ZNF804B: variants seen among roughly 807,000 people sequenced by gnomAD.
ZNF804B encodes the protein zinc finger protein 804B, also known as zinc finger 804B.
Under a neutral mutation model 101.4 loss-of-function variants are expected in ZNF804B, and 80 were observed. The ratio of observed to expected loss-of-function variants is 0.79; its 90% CI spans 0.66 to 0.95. The LOEUF (loss-of-function observed/expected upper bound fraction) is 0.95, where lower values mean the gene tolerates loss of function less well. ZNF804B is among the 40% of genes least tolerant of loss of function. ZNF804B has a pLI of 0.00. For synonymous variants in ZNF804B, 622 were observed against 558.8 expected (o/e 1.11, Z -1.59); for missense variants, 1,673 against 1,561.9 (o/e 1.07, Z -1.20).
chr7:89,110,731 A>T (rs1240746142), intron 1 of ZNF804B, among the ~76,000 whole-genome samples: 1 of 152,180 alleles, frequency 6.6e-6, no homozygotes, highest in Non-Finnish European at 1.5e-5. Context: ...TCAATAGTTT[A>T]CATCGGGTTT....
intron 1 of ZNF804B, among the ~76,000 whole-genome samples, chr7:89,169,324 G>A (rs539222989): frequency 6.6e-6 from 1 of 152,230 alleles, no homozygotes; most frequent in South Asian, 2.1e-4. Context: ...CTCGCGGCTC[G>A]AATGCCTGAG....
At chr7:89,080,949 C>A (rs937145515) in intron 1 of ZNF804B, among the ~76,000 whole-genome samples, 3 of 151,922 alleles carry the variant, frequency 2.0e-5, no homozygotes, top group Admixed American at 6.6e-5. Context: ...AGATAATTTT[C>A]TCCACACTGA....
At chr7:89,075,699 C>T (rs1046983631) in intron 1 of ZNF804B, among the ~76,000 whole-genome samples, 2 of 152,184 alleles carry the variant, frequency 1.3e-5, no homozygotes, top group Admixed American at 6.5e-5. Context: ...AGGCCACAAT[C>T]CTCCAGACCC....
chr7:89,077,657 A>T (rs967566715), intron 1 of ZNF804B, among the ~76,000 whole-genome samples: 4 of 152,294 alleles, frequency 2.6e-5, no homozygotes, highest in African/African-American at 9.6e-5. Flanking sequence ...CAAAATACTT[A>T]AAAAATTTCT....
intron 1 of ZNF804B, among the ~76,000 whole-genome samples, chr7:89,166,286 C>A (rs564690105): frequency 6.6e-6 from 1 of 152,152 alleles, no homozygotes; most frequent in Non-Finnish European, 1.5e-5. Flanking sequence ...GGGCACCAAA[C>A]CCCTGCACAG....
chr7:88,806,262 T>A (rs1790683515), intron 1 of ZNF804B, among the ~76,000 whole-genome samples: 1 of 152,150 alleles, frequency 6.6e-6, no homozygotes, highest in Admixed American at 6.5e-5. Flanking sequence ...TTAAAATTAT[T>A]TGGATTACCC....
At chr7:89,123,272 C>T (rs1338877733) in intron 1 of ZNF804B, among the ~76,000 whole-genome samples, 2 of 151,432 alleles carry the variant, frequency 1.3e-5, no homozygotes, top group Non-Finnish European at 2.9e-5. Context: ...AAGTAGGGGG[C>T]AAGAAGACAA....
chr7:89,275,945 T>TA (rs1316739442), intron 2 of ZNF804B, among the ~76,000 whole-genome samples: 8 of 151,294 alleles, frequency 5.3e-5, no homozygotes, highest in Non-Finnish European at 4.4e-5. Flanking sequence ...ATAGACTAGA[T>TA]AAAAAAATGT....
At chr7:89,080,023 A>T (rs1052909625) in intron 1 of ZNF804B, among the ~76,000 whole-genome samples, 5 of 149,342 alleles carry the variant, frequency 3.3e-5, no homozygotes, top group Admixed American at 2.0e-4. Flanking sequence ...TTACATTTTT[A>T]TTTTTTTTTT....
chr7:88,961,059 G>A (rs1459863387), intron 1 of ZNF804B, among the ~76,000 whole-genome samples: 1 of 151,390 alleles, frequency 6.6e-6, no homozygotes, highest in South Asian at 2.1e-4. Flanking sequence ...AGACATTAAA[G>A]AACTGAATGT....
At chr7:89,044,808 T>C (rs1194857317) in intron 1 of ZNF804B, among the ~76,000 whole-genome samples, 1 of 152,162 alleles carries the variant, frequency 6.6e-6, no homozygotes, top group African/African-American at 2.4e-5. Flanking sequence ...AATAAAAGTT[T>C]GGAAAATTTA....
chr7:89,007,278 G>A lies in ZNF804B; in HGVS notation c.109-210877G>A, dbSNP rs572968045. Among the ~76,000 whole-genome samples, 3 of 151,248 alleles carry A rather than the reference G, an allele frequency of 2.0e-5. No homozygotes were observed. In the South Asian group the frequency reaches 6.3e-4, roughly 32 times the overall value. On this transcript the variant is annotated intron_variant, in intron 1 of 3. Coordinates refer to ENST00000333190, the MANE Select transcript of ZNF804B (RefSeq NM_181646.5). ...AATTACATTTTACAAAACATAAGAG[G>A]CATTTTACAAAATGTTTACAAAGTG...
chr7:89,284,482 C>T lies in ZNF804B; in HGVS notation c.250-42862C>T, dbSNP rs546360936. 4.6e-5 allele frequency among the ~76,000 whole-genome samples: 7 copies of T among 152,228 alleles called. No individual in the cohort carries two copies. In the South Asian group the frequency reaches 1.4e-3, roughly 32 times the overall value. ...ATGTACCATAGATTGAGGTCTGCAGCGTGGTTGCCCACTATTTGATGATAA... is the reference window on the plus strand; with the variant it reads ...ATGTACCATAGATTGAGGTCTGCAGTGTGGTTGCCCACTATTTGATGATAA... On this transcript the variant is annotated intron_variant, in intron 2 of 3. Transcript: ENST00000333190.
intron 1 of ZNF804B, among the ~76,000 whole-genome samples, chr7:88,951,906 A>T (rs1293513898): frequency 1.3e-5 from 2 of 151,872 alleles, no homozygotes; most frequent in Non-Finnish European, 2.9e-5. Context: ...AAAAAAATTG[A>T]TTTCATATCC....
intron 1 of ZNF804B, among the ~76,000 whole-genome samples, chr7:89,198,123 A>G (rs1788582403): frequency 1.3e-5 from 2 of 151,818 alleles, no homozygotes; most frequent in Admixed American, 1.3e-4. Flanking sequence ...GCAAATACAT[A>G]TTTTTATTGC....
intron 1 of ZNF804B, among the ~76,000 whole-genome samples, chr7:88,957,214 A>G (rs1793323809): frequency 6.6e-6 from 1 of 151,450 alleles, no homozygotes; most frequent in South Asian, 2.1e-4. Flanking sequence ...TCCAGAACAC[A>G]TTTTGTGGTA....
chr7:89,022,677 C>T (rs968310824), intron 1 of ZNF804B, among the ~76,000 whole-genome samples: 1 of 152,110 alleles, frequency 6.6e-6, no homozygotes, highest in African/African-American at 2.4e-5. Flanking sequence ...GTGTTGCTTT[C>T]CTAATTCTTA....
At chr7:89,028,038 A>G (rs1017380686) in intron 1 of ZNF804B, among the ~76,000 whole-genome samples, 14 of 152,182 alleles carry the variant, frequency 9.2e-5, no homozygotes, top group Admixed American at 3.9e-4. Context: ...CTTTCTTTAC[A>G]TATTTACTCA....
intron 1 of ZNF804B, among the ~76,000 whole-genome samples, chr7:88,778,536 A>C (rs1790180003): frequency 6.6e-6 from 1 of 152,206 alleles, no homozygotes; most frequent in African/African-American, 2.4e-5. Context: ...AGAAATCTCA[A>C]ACATGTAATC....
Sources: gnomAD v4.1 joint callset for allele counts (sites outside exome capture counted in the v4.1 genomes callset) on GRCh38, gnomAD v4.1.1 for gene constraint, MANE v1.5 for transcripts, NCBI Gene and HGNC (gene_info 2026-07-23, HGNC 2026-07-21) for gene names.